The following PPRC1 variants were observed in gnomAD, a reference collection of about 807,000 sequenced individuals.
PPRC1 encodes the protein PPARG related coactivator 1.
Under a neutral mutation model 132.5 loss-of-function variants are expected in PPRC1, and 23 were observed. The ratio of observed to expected loss-of-function variants is 0.17; its 90% CI spans 0.12 to 0.25. The LOEUF (loss-of-function observed/expected upper bound fraction) is 0.25. PPRC1 is among the 10% of genes least tolerant of loss of function. The pLI is 1.00. For synonymous variants in PPRC1, 872 were observed against 833.5 expected (o/e 1.05, Z -0.80); for missense variants, 2,006 against 2,089.1 (o/e 0.96, Z 0.78).
In PPRC1 at chr10:102,140,141, G is replaced by A. The variant is rs1304975606; in HGVS notation, c.1633G>A (p.Gly545Arg). The change falls in exon 5 of 14, where the codon GGA becomes AGA. Residue 545 changes from glycine to arginine, a missense_variant. Physicochemically the swap from Gly to Arg is moderately radical, Grantham distance 125. Transcript: ENST00000278070. ...SSPKNLERSA[G>R]QSSPAKEGPL... is the part of the protein sequence containing the mutation. ...CCCTAAGAACTTGGAGAGAAGTGCT[G>A]GACAAAGTAGTCCTGCTAAAGAAGG... The A allele has an allele frequency of 1.2e-6, 2 of 1,614,186 alleles. No individual in the cohort carries two copies. The highest frequency in any genetic ancestry group is 1.7e-5 in the Admixed American group (1 of 60,020).
the PPRC1 span, among the ~76,000 whole-genome samples, chr10:102,125,319 C>T: frequency 6.8e-6 from 1 of 146,762 alleles, no homozygotes; most frequent in African/African-American, 2.6e-5. Flanking sequence ...AGTGCAGTGG[C>T]ACTATCTCAA....
In PPRC1 at chr10:102,148,061, C is replaced by T. The variant is rs567240127; in HGVS notation, c.4401-311C>T. Among the ~76,000 whole-genome samples the T allele has an allele frequency of 2.6e-5, 4 of 152,160 alleles. No individual in the cohort carries two copies. The highest frequency in any genetic ancestry group is 9.6e-5 in the African/African-American group (4 of 41,484). ...GCTGGGTGTGAGACCTAGGGCTCAC[C>T]CCTCTCCCTGAGTCTCCATTTATTG... On this transcript the variant is annotated intron_variant, in intron 9 of 13. Coordinates refer to ENST00000278070, the MANE Select transcript of PPRC1 (RefSeq NM_015062.5). This position sits in a 1 kb window ranked among gnomAD's most constrained non-coding sequence, Gnocchi z 4.2.
At chr10:102,122,049 G>A in the PPRC1 span, among the ~76,000 whole-genome samples, 14 of 152,190 alleles carry the variant, frequency 9.2e-5, no homozygotes, top group African/African-American at 3.4e-4. Context: ...TGGGGGATAG[G>A]GGAGCTTGTA....
At position 102,141,577 on chromosome 10, in the gene PPRC1, T is replaced by C. The variant is rs771398734; in HGVS notation, c.3069T>C (p.Ala1023=). Reference sequence around the variant, plus strand: ...AAATGGAGTCTAGGGGCACTCCAGCTGGCCCTCCTGAAAATGTACTTCCCT... The same window carrying C: ...AAATGGAGTCTAGGGGCACTCCAGCCGGCCCTCCTGAAAATGTACTTCCCT... ...QPKMESRGTP[A]GPPENVLPLS... Residue 1023 remains alanine (A), a synonymous_variant, in exon 5 of 14, where the codon GCT becomes GCC. Transcript: ENST00000278070. 2 of 1,614,008 alleles carry C rather than the reference T, an allele frequency of 1.2e-6. No individual in the cohort carries two copies. The highest frequency in any genetic ancestry group is 2.7e-5 in the African/African-American group (2 of 74,906).
chr10:102,133,179 A>G lies in PPRC1; in HGVS notation c.111A>G (p.Gln37=). The G allele has an allele frequency of 7.8e-7, 1 of 1,275,978 alleles. No homozygotes were observed. The highest frequency in any genetic ancestry group is 3.7e-5 in the South Asian group (1 of 26,852). 79.0% of individuals were successfully genotyped at this position (1,275,978 alleles called of 1,614,324 possible). The change falls in exon 1 of 14, where the codon CAA becomes CAG. Residue 37 remains glutamine (Q), a synonymous_variant. Coordinates refer to ENST00000278070, the MANE Select transcript of PPRC1 (RefSeq NM_015062.5). The stretch of plus-strand genomic sequence containing the variant: ...GCAGTGGTTGGGGAAGTCGAAGCCA[A>G]GCGCCGTATGGGACTTTGGGCGCTG... ...ARGSGWGSRS[Q]APYGTLGAVS... is the part of the protein sequence containing the mutation.
chr10:102,142,198 G>A (rs1027949960), intron 5 of PPRC1, among the ~76,000 whole-genome samples, 194 bp downstream of exon 5: 2 of 151,972 alleles, frequency 1.3e-5, no homozygotes, highest in Non-Finnish European at 2.9e-5. Context: ...TGCCTCCCAG[G>A]TTCAAGCAAT....
At chr10:102,120,360 G>A in the PPRC1 span, 1 of 984,252 alleles carries the variant, frequency 1.0e-6, no homozygotes, top group Non-Finnish European at 1.2e-6. Context: ...GTGAGTCCGC[G>A]GAGTGTGTGT....
chr10:102,138,650 T>A lies in PPRC1; in HGVS notation c.374T>A (p.Val125Glu). Residue 125 changes from valine (V) to glutamate (E), a missense_variant, in exon 3 of 14, where the codon GTG becomes GAG. This residue lies in a region of PPRC1 where 1,914 missense variants were observed against 1,917.2 expected (regional missense o/e 1.00). Coordinates refer to ENST00000278070, the MANE Select transcript of PPRC1 (RefSeq NM_015062.5). ...SRLSLEDQNE[V>E]SLLTALTEIL... Reference sequence around the variant, plus strand: ...TTATCTCTGGAGGACCAGAATGAAGTGTCGCTGCTCACGGCTCTGACGGAG... The same window carrying A: ...TTATCTCTGGAGGACCAGAATGAAGAGTCGCTGCTCACGGCTCTGACGGAG... 2 of 1,614,080 alleles carry A rather than the reference T, an allele frequency of 1.2e-6. No homozygotes were observed.
chr10:102,120,105 T>G, the PPRC1 span: 2 of 1,383,608 alleles, frequency 1.4e-6, no homozygotes, highest in Non-Finnish European at 1.9e-6. Flanking sequence ...CACAGCCCAC[T>G]GACATCTTCA....
Position 102,140,848 on chromosome 10 carries a change from T to C in PPRC1, c.2340T>C (p.Pro780=), listed in dbSNP as rs2068939818. 6.2e-7 allele frequency: 1 copy of C among 1,613,954 alleles called. No homozygotes were observed. The highest frequency in any genetic ancestry group is 1.3e-5 in the African/African-American group (1 of 74,894). Residue 780 remains proline, a synonymous_variant, in exon 5 of 14, where the codon CCT becomes CCC. Transcript: ENST00000278070. The part of the protein sequence containing the change: ...RSPQPPTGKW[P]SLPETPTGLA... ...CACAGCCCCCAACTGGGAAGTGGCC[T>C]AGCCTTCCAGAGACTCCCACAGGGC...
chr10:102,138,766 G>T lies in PPRC1; in HGVS notation c.489+1G>T. The T allele has an allele frequency of 6.2e-7, 1 of 1,614,188 alleles. No individual in the cohort carries two copies. Among genetic ancestry groups the T allele is most frequent in the Non-Finnish European group, 8.5e-7 (1 of 1,180,002 alleles). On this transcript the variant is annotated splice_donor_variant, in intron 3 of 13. Transcript: ENST00000278070. LOFTEE classifies it high-confidence loss of function. Reference sequence around the variant, plus strand: ...TGTGTCACCCCGGGAGGGCTCCTCTGTGAGTGTGGGACCAGGGGAAGGGGA... The same window carrying T: ...TGTGTCACCCCGGGAGGGCTCCTCTTTGAGTGTGGGACCAGGGGAAGGGGA...
At chr10:102,128,923 CTTTTTTTTTTTT>C (rs1027475920), upstream of PPRC1, among the ~76,000 whole-genome samples, 1 of 75,642 alleles carries the variant, frequency 1.3e-5, no homozygotes, top group Non-Finnish European at 2.5e-5. Context: ...CAGCGGCAGT[CTTTTTTTTTTTT>C]TTTTTTTTTT....
chr10:102,128,145 C>CTTT (rs879722797), upstream of PPRC1, among the ~76,000 whole-genome samples: 1 of 143,904 alleles, frequency 6.9e-6, no homozygotes, highest in Non-Finnish European at 1.5e-5. Context: ...GCTGCTGCTG[C>CTTT]TTTTTTTTTT....
chr10:102,120,739 C>T, the PPRC1 span, among the ~76,000 whole-genome samples: 1 of 152,172 alleles, frequency 6.6e-6, no homozygotes, highest in East Asian at 1.9e-4. Context: ...GGCGCAGCCG[C>T]GCGCTCGGTG....
the PPRC1 span, chr10:102,120,447 G>T: frequency 1.0e-6 from 1 of 962,706 alleles, no homozygotes; most frequent in Non-Finnish European, 1.2e-6. Flanking sequence ...CCCCCTCTCC[G>T]CCCTCGCGCT....
chr10:102,149,479 TC>T (rs1425852098), intron 13 of PPRC1, 150 bp downstream of exon 13: 2 of 981,508 alleles, frequency 2.0e-6, no homozygotes, highest in Non-Finnish European at 2.8e-6. Flanking sequence ...ACGCCTGTAA[TC>T]CCAGCACTTT....
upstream of PPRC1, among the ~76,000 whole-genome samples, chr10:102,128,794 T>C (rs2068499553): frequency 1.3e-5 from 2 of 151,106 alleles, no homozygotes; most frequent in South Asian, 4.2e-4. Context: ...TTTTGTATTT[T>C]TGGTAGAGAC....
Position 102,137,771 on chromosome 10 carries a change from G to A in PPRC1, c.154-79G>A. ...GCTGCTGAGTTTGGCCCCAGCAGTG[G>A]AGGGTACCTGATTTATGGAGCATAT... is the stretch of plus-strand genomic sequence containing the variant. On this transcript the variant is annotated intron_variant, in intron 1 of 13. Transcript: ENST00000278070. The A allele has an allele frequency of 5.0e-6, 7 of 1,399,856 alleles. No individual in the cohort carries two copies. The African/African-American group carries it at 7.2e-5, about 14-fold the overall frequency. The allele number at this position is 1,399,856 out of a possible 1,614,324, so 86.7% of individuals were successfully genotyped here.
intron 5 of PPRC1, 125 bp from the exon 6 acceptor site, chr10:102,142,920 G>C (rs117812420): frequency 0.011 from 8,433 of 756,470 alleles, 64 homozygotes; most frequent in Non-Finnish European, 0.015. Context: ...TGCTACCTTG[G>C]TTCACTTAGT....
Sources: gnomAD v4.1 joint callset for allele counts (sites outside exome capture counted in the v4.1 genomes callset) on GRCh38, gnomAD v4.1.1 for gene constraint, gnomAD v4.1.1 regional missense constraint, Gnocchi (gnomAD v3.1) non-coding constraint, MANE v1.5 for transcripts, NCBI Gene and HGNC (gene_info 2026-07-23, HGNC 2026-07-21) for gene names.